VPS13C: variants seen among roughly 807,000 people sequenced by gnomAD.
VPS13C encodes vacuolar protein sorting 13 homolog C.
A neutral mutation model predicts 456.8 loss-of-function variants in VPS13C; 358 were observed. The observed-to-expected ratio is 0.78, with a 90% CI of 0.72 to 0.86. The LOEUF (loss-of-function observed/expected upper bound fraction) is 0.86, where lower values mean the gene tolerates loss of function less well. VPS13C is among the 40% of genes least tolerant of loss of function. The pLI is 0.00. For synonymous variants in VPS13C, 1,578 were observed against 1,486.7 expected, an observed-to-expected ratio of 1.06 and a Z score of -1.41; for missense variants, 4,818 against 4,385.4, an observed-to-expected ratio of 1.10 and a Z score of -2.79.
At chr15:62,011,775 T>C (rs1385527687) in intron 12 of VPS13C, among the ~76,000 whole-genome samples, 1 of 151,754 alleles carries the variant, frequency 6.6e-6, no homozygotes, top group African/African-American at 2.4e-5. Context: ...ATCTCAGAGA[T>C]TTAGTTACTT....
intron 60 of VPS13C, among the ~76,000 whole-genome samples, chr15:61,916,326 A>G (rs930269661): frequency 1.3e-5 from 2 of 152,202 alleles, no homozygotes; most frequent in Non-Finnish European, 2.9e-5. Flanking sequence ...GCTGTTGTCC[A>G]TTAGAGCTAT....
In VPS13C at chr15:62,007,448, C is replaced by T. The variant is rs774847880; in HGVS notation, c.1150G>A (p.Val384Ile). The T allele has an allele frequency of 1.3e-6, 2 of 1,591,958 alleles. No individual in the cohort carries two copies. Among genetic ancestry groups the T allele is most frequent in the Admixed American group, 3.6e-5 (2 of 56,144 alleles). The change falls in exon 15 of 85, where the codon GTT becomes ATT. Residue 384 changes from valine to isoleucine, a missense_variant. By Grantham distance (29) the Val-to-Ile change is conservative. This residue lies in a region of VPS13C where 4,552 missense variants were observed against 4,130.6 expected (regional missense o/e 1.10). Coordinates refer to ENST00000644861, the MANE Select transcript of VPS13C (RefSeq NM_020821.3). Reference protein sequence around the residue: ...WKYAIDSVLEVHIRRYTQMWS... With the variant: ...WKYAIDSVLEIHIRRYTQMWS... The stretch of plus-strand genomic sequence containing the variant: ...ATCTGTGTATACCTTCTTATATGAA[C>T]TTCAAGAACAGAATCAATTGCATAT...
chr15:62,026,298 A>G (rs1322338272), intron 6 of VPS13C, among the ~76,000 whole-genome samples: 1 of 151,900 alleles, frequency 6.6e-6, no homozygotes, highest in African/African-American at 2.4e-5. Flanking sequence ...CACATGTATG[A>G]TTTTTATCTT....
intron 83 of VPS13C, 127 bp from the exon 84 acceptor site, chr15:61,855,081 C>T: frequency 1.5e-6 from 1 of 678,896 alleles, no homozygotes; most frequent in South Asian, 2.2e-5. Context: ...TACACATATT[C>T]AAGTAAGATA....
intron 66 of VPS13C, among the ~76,000 whole-genome samples, chr15:61,901,806 T>C (rs2043006294): frequency 6.6e-6 from 1 of 152,110 alleles, no homozygotes; most frequent in Non-Finnish European, 1.5e-5. Context: ...TAAAGACACA[T>C]GCACACATAT....
At chr15:62,037,501 T>TTATTATATTGTAAGAATATAATAAATG (rs1436216566) in intron 3 of VPS13C, among the ~76,000 whole-genome samples, 2 of 119,318 alleles carry the variant, frequency 1.7e-5, no homozygotes, top group Non-Finnish European at 3.2e-5. Flanking sequence ...TATAATAAAT[T>TTATTATATTGTAAGAATATAATAAATG]TATTATATTG....
chr15:61,994,418 C>T (rs975337632), intron 16 of VPS13C, among the ~76,000 whole-genome samples: 6 of 152,130 alleles, frequency 3.9e-5, no homozygotes, highest in Non-Finnish European at 8.8e-5. Context: ...AATATTCATA[C>T]TTTCTGACCT....
At chr15:61,937,696 G>C (rs555902953) in intron 47 of VPS13C, among the ~76,000 whole-genome samples, 4 of 152,210 alleles carry the variant, frequency 2.6e-5, no homozygotes, top group East Asian at 1.9e-4. Flanking sequence ...GGATGGTCTC[G>C]ATCTCCTGAC....
intron 14 of VPS13C, among the ~76,000 whole-genome samples, chr15:62,007,807 T>A (rs1428238829): frequency 6.6e-6 from 1 of 152,134 alleles, no homozygotes; most frequent in Non-Finnish European, 1.5e-5. Flanking sequence ...ATGTCTTGAA[T>A]GTTAAGTTAA....
In VPS13C at chr15:61,852,547, GTATGA is replaced by G. The variant is rs1291029636; in HGVS notation, c.*1905_*1909del. On this transcript the variant is annotated 3_prime_UTR_variant, in exon 85 of 85. Coordinates refer to ENST00000644861, the MANE Select transcript of VPS13C (RefSeq NM_020821.3). The stretch of plus-strand genomic sequence containing the variant: ...AATCAAAATGTTACAAATAGTATCA[GTATGA>G]TATAATTTCTTAAATATATGGGACA... 1 of 152,110 alleles carries G rather than the reference GTATGA, an allele frequency of 6.6e-6. No homozygotes were observed. Among genetic ancestry groups the G allele is most frequent in the Non-Finnish European group, 1.5e-5 (1 of 68,012 alleles). 9.4% of individuals were successfully genotyped at this position (152,110 alleles called of 1,614,324 possible).
In VPS13C at chr15:61,981,473, T is replaced by C. The variant is rs2045885548; in HGVS notation, c.2035A>G (p.Thr679Ala). The change falls in exon 22 of 85, where the codon ACA becomes GCA. Residue 679 changes from threonine (T) to alanine (A), a missense_variant. Coordinates refer to ENST00000644861, the MANE Select transcript of VPS13C (RefSeq NM_020821.3). ...EIKERTATGLTHIIETRKVLD... is the reference protein window; with the variant it reads ...EIKERTATGLAHIIETRKVLD... Reference sequence around the variant, plus strand: ...ACTTTTCGAGTTTCAATAATATGTGTAAGTCCTAAAGACGTAAGAAATAAT... The same window carrying C: ...ACTTTTCGAGTTTCAATAATATGTGCAAGTCCTAAAGACGTAAGAAATAAT... The C allele has an allele frequency of 1.3e-6, 2 of 1,599,312 alleles. No homozygotes were observed. Among genetic ancestry groups the C allele is most frequent in the African/African-American group, 2.7e-5 (2 of 74,010 alleles).
intron 33 of VPS13C, 44 bp from the exon 34 acceptor site, chr15:61,962,582 G>T: frequency 6.5e-7 from 1 of 1,529,370 alleles, no homozygotes; most frequent in Non-Finnish European, 8.8e-7. Flanking sequence ...GGAAGGTAAT[G>T]ACAAAATAAA....
intron 24 of VPS13C, 132 bp from the exon 25 acceptor site, chr15:61,974,549 C>T: frequency 1.2e-6 from 1 of 845,588 alleles, no homozygotes; most frequent in Non-Finnish European, 1.7e-6. Flanking sequence ...ACTAATGCCT[C>T]ATTTAGACAA....
rs766205389 is a variant in VPS13C at position 61,868,734 on chromosome 15, G to C, written c.10788C>G (p.Pro3596=). Residue 3596 remains proline, a synonymous_variant, in exon 81 of 85, where the codon CCC becomes CCG. Transcript: ENST00000644861. ...TGCCATCTTCATGGATCAGGCGAGGGGGACGGAGGCTAGATACTTCCTCAG... is the reference window on the plus strand; with the variant it reads ...TGCCATCTTCATGGATCAGGCGAGGCGGACGGAGGCTAGATACTTCCTCAG... ...ESTEEVSSLR[P]PRLIHEDGII... 16 of 1,614,002 alleles carry C rather than the reference G, an allele frequency of 9.9e-6. No homozygotes were observed. Among genetic ancestry groups the C allele is most frequent in the Non-Finnish European group, 1.3e-5 (15 of 1,180,016 alleles).
chr15:61,997,597 C>T (rs1043286456), intron 16 of VPS13C, among the ~76,000 whole-genome samples: 1 of 152,140 alleles, frequency 6.6e-6, no homozygotes, highest in African/African-American at 2.4e-5. Flanking sequence ...CCATCTTCCC[C>T]CTCTTATTTG....
intron 55 of VPS13C, among the ~76,000 whole-genome samples, chr15:61,921,071 T>A (rs962003034): frequency 1.3e-5 from 2 of 152,094 alleles, no homozygotes; most frequent in Non-Finnish European, 2.9e-5. Context: ...TTCAAATAAG[T>A]AATATTAATA....
At position 61,914,795 on chromosome 15, in the gene VPS13C, A is replaced by C. The variant is rs143468024; in HGVS notation, c.8445+838T>G. On this transcript the variant is annotated intron_variant, in intron 61 of 84. Transcript: ENST00000644861. The stretch of plus-strand genomic sequence containing the variant: ...AGGCTGGTCTCAAACTCCTGACCTC[A>C]GGTGATCCACCAGCCTCAGCCTCGC... Among the ~76,000 whole-genome samples, 792 of 146,888 alleles carry C rather than the reference A, an allele frequency of 5.4e-3. 8 individuals carry two copies. Among genetic ancestry groups the C allele is most frequent in the Middle Eastern group, 0.011 (3 of 282 alleles).
intron 18 of VPS13C, among the ~76,000 whole-genome samples, chr15:61,988,639 A>C (rs1381468461): frequency 6.6e-6 from 1 of 152,208 alleles, no homozygotes; most frequent in African/African-American, 2.4e-5. Flanking sequence ...TAGAAAAGGT[A>C]ATCATAAAGA....
chr15:62,024,549 G>A (rs566675569), intron 6 of VPS13C, among the ~76,000 whole-genome samples: 5 of 152,010 alleles, frequency 3.3e-5, no homozygotes, highest in African/African-American at 9.7e-5. Flanking sequence ...GGCAGTCTCT[G>A]TATTATCTAC....
Sources: gnomAD v4.1 joint callset for allele counts (sites outside exome capture counted in the v4.1 genomes callset) on GRCh38, gnomAD v4.1.1 for gene constraint, gnomAD v4.1.1 regional missense constraint, MANE v1.5 for transcripts, NCBI Gene and HGNC (gene_info 2026-07-23, HGNC 2026-07-21) for gene names.